The following PPP1R12B variants were observed in gnomAD, a reference collection of about 807,000 sequenced individuals.
PPP1R12B encodes the protein protein phosphatase 1 regulatory subunit 12B.
A neutral mutation model predicts 126.1 loss-of-function variants in PPP1R12B; 76 were observed. The observed-to-expected ratio is 0.60, with a 90% CI of 0.50 to 0.73. The LOEUF (loss-of-function observed/expected upper bound fraction) is 0.73. Ranked by LOEUF, PPP1R12B falls within the 30% of genes least tolerant of loss-of-function variation. The pLI is 0.00. For missense variants in PPP1R12B, 1,052 were observed against 1,205.1 expected (o/e 0.87, Z 1.88); for synonymous variants, 356 against 434.7 (o/e 0.82, Z 2.25).
At chr1:202,401,581 C>A (rs548941869) in intron 1 of PPP1R12B, among the ~76,000 whole-genome samples, 1 of 151,942 alleles carries the variant, frequency 6.6e-6, no homozygotes, top group South Asian at 2.1e-4. Flanking sequence ...GAATAGCATA[C>A]GTTAATAGCA....
intron 18 of PPP1R12B, among the ~76,000 whole-genome samples, chr1:202,523,798 T>C (rs988637555): frequency 3.3e-5 from 5 of 152,164 alleles, no homozygotes; most frequent in African/African-American, 1.2e-4. Context: ...CACTGCAAGC[T>C]CCATCTCCCA....
At chr1:202,480,026 A>G (rs1558280917) in intron 13 of PPP1R12B, among the ~76,000 whole-genome samples, 1 of 152,230 alleles carries the variant, frequency 6.6e-6, no homozygotes, top group Non-Finnish European at 1.5e-5. Context: ...CATACATACC[A>G]AGAAATAAGA....
At chr1:202,501,856 C>T (rs1680258007) in intron 18 of PPP1R12B, 1 of 984,972 alleles carries the variant, frequency 1.0e-6, no homozygotes, top group South Asian at 4.7e-5. Context: ...TTTTTTTACT[C>T]AGCAGGTTAC....
At chr1:202,555,936 C>T (rs112821276) in intron 18 of PPP1R12B, among the ~76,000 whole-genome samples, 14 of 149,980 alleles carry the variant, frequency 9.3e-5, no homozygotes, top group African/African-American at 2.2e-4. Flanking sequence ...AGTGCAGTGA[C>T]GCTATCTCAG....
chr1:202,353,661 G>C (rs1462646848), intron 1 of PPP1R12B, among the ~76,000 whole-genome samples: 1 of 148,618 alleles, frequency 6.7e-6, no homozygotes, highest in East Asian at 2.0e-4. Flanking sequence ...CCAGACTGGA[G>C]TGTGGTGGTG....
At position 202,445,190 on chromosome 1, in the gene PPP1R12B, A is replaced by G. The variant is rs1444194598; in HGVS notation, c.1667+2618A>G. 4.0e-6 allele frequency: 5 copies of G among 1,246,690 alleles called. No individual in the cohort carries two copies. In the East Asian group the frequency reaches 1.3e-4, roughly 31 times the overall value. The allele number at this position is 1,246,690 out of a possible 1,614,324, so 77.2% of individuals were successfully genotyped here. ...AACCTGCCTCTTCTTGCCCTGCACCAATCAGTGCAAACACTACTGCATCTG... is the reference window on the plus strand; with the variant it reads ...AACCTGCCTCTTCTTGCCCTGCACCGATCAGTGCAAACACTACTGCATCTG... On this transcript the variant is annotated intron_variant, in intron 12 of 23. Coordinates refer to ENST00000608999, the MANE Select transcript of PPP1R12B (RefSeq NM_002481.4).
chr1:202,410,599 A>C (rs531189786), intron 1 of PPP1R12B, among the ~76,000 whole-genome samples: 2 of 152,328 alleles, frequency 1.3e-5, no homozygotes, highest in East Asian at 3.9e-4. Context: ...GCACTGATTG[A>C]TATCAGCCAC....
At position 202,412,662 on chromosome 1, in the gene PPP1R12B, C is replaced by T. The variant is rs186402745; in HGVS notation, c.292-4125C>T. ...CTGTCCTGGCCTACACAGGTTTAGA[C>T]GGCACATTTGACCTTCTTGATATAG... On this transcript the variant is annotated intron_variant, in intron 1 of 23. Transcript: ENST00000608999. Among the ~76,000 whole-genome samples, 29 of 152,268 alleles carry T rather than the reference C, an allele frequency of 1.9e-4. No homozygotes were observed. In the East Asian group the frequency reaches 4.2e-3, roughly 22 times the overall value.
chr1:202,430,112 T>C (rs1182417916), intron 6 of PPP1R12B, among the ~76,000 whole-genome samples: 1 of 152,210 alleles, frequency 6.6e-6, no homozygotes, highest in Non-Finnish European at 1.5e-5. Flanking sequence ...TAAAAACTTT[T>C]ACTGAAATAA....
At chr1:202,421,167 C>T (rs1430276559) in intron 2 of PPP1R12B, among the ~76,000 whole-genome samples, 4 of 151,376 alleles carry the variant, frequency 2.6e-5, no homozygotes, top group Non-Finnish European at 4.4e-5. Flanking sequence ...GTTGGTCAGG[C>T]TTGTCTCAAA....
intron 1 of PPP1R12B, among the ~76,000 whole-genome samples, chr1:202,350,625 CTTTTTTTT>C (rs777909235): frequency 7.0e-6 from 1 of 143,770 alleles, no homozygotes; most frequent in African/African-American, 2.5e-5. Context: ...TTTTCTTTTT[CTTTTTTTT>C]TTTTTGATTC....
chr1:202,382,824 C>G, intron 1 of PPP1R12B, among the ~76,000 whole-genome samples: 1 of 149,694 alleles, frequency 6.7e-6, no homozygotes, highest in Middle Eastern at 3.2e-3. Context: ...TACAGTGAGC[C>G]AAGACTGTGG....
intron 22 of PPP1R12B, 102 bp from the exon 23 acceptor site, chr1:202,569,045 A>C: frequency 7.6e-7 from 1 of 1,324,434 alleles, no homozygotes; most frequent in Non-Finnish European, 1.1e-6. Flanking sequence ...CAGCAGACAA[A>C]CCTTTGACCG....
intron 1 of PPP1R12B, among the ~76,000 whole-genome samples, chr1:202,382,629 C>T (rs1450880379): frequency 1.3e-5 from 2 of 151,862 alleles, no homozygotes; most frequent in East Asian, 3.9e-4. Flanking sequence ...GTAATCCCAG[C>T]ACTTTGGGAG....
intron 18 of PPP1R12B, among the ~76,000 whole-genome samples, chr1:202,525,969 A>G (rs758722431): frequency 1.6e-4 from 25 of 152,260 alleles, no homozygotes; most frequent in Non-Finnish European, 2.9e-4. Context: ...TGCTGGGATC[A>G]CAGGCGTGAG....
At chr1:202,544,508 AGTGCTTATCT>A (rs1685454717) in intron 18 of PPP1R12B, among the ~76,000 whole-genome samples, 3 of 152,224 alleles carry the variant, frequency 2.0e-5, no homozygotes, top group Non-Finnish European at 4.4e-5. Flanking sequence ...TCCAAATTGT[AGTGCTTATCT>A]GATATTTATT....
chr1:202,377,190 A>G (rs529742176), intron 1 of PPP1R12B, among the ~76,000 whole-genome samples: 2 of 152,172 alleles, frequency 1.3e-5, no homozygotes, highest in African/African-American at 2.4e-5. Context: ...ATTAGTGTAG[A>G]TGTTCTGAGA....
intron 15 of PPP1R12B, among the ~76,000 whole-genome samples, chr1:202,495,032 G>A (rs114632177): frequency 0.023 from 3,439 of 150,442 alleles, 132 homozygotes; most frequent in African/African-American, 0.078. Context: ...TTGGTTAATT[G>A]ATGAATAATT....
Position 202,567,784 on chromosome 1 carries a change from C to A in PPP1R12B, c.2764C>A (p.Gln922Lys). Residue 922 changes from glutamine to lysine, a missense_variant, in exon 22 of 24, where the codon CAA (glutamine) becomes AAA (lysine). Transcript: ENST00000608999. ...SKLEKVAQQKQEKTSDRSSVL... is the reference protein window; with the variant it reads ...SKLEKVAQQKKEKTSDRSSVL... ...TTCCTTCCATTTGCACCAGCAGAAACAAGAAAAGACCTCTGACCGATCATC... is the reference window on the plus strand; with the variant it reads ...TTCCTTCCATTTGCACCAGCAGAAAAAAGAAAAGACCTCTGACCGATCATC... 1.2e-6 allele frequency: 2 copies of A among 1,613,984 alleles called. No individual in the cohort carries two copies. The highest frequency in any genetic ancestry group is 1.7e-6 in the Non-Finnish European group (2 of 1,179,892).
Sources: gnomAD v4.1 joint callset for allele counts (sites outside exome capture counted in the v4.1 genomes callset) on GRCh38, gnomAD v4.1.1 for gene constraint, MANE v1.5 for transcripts, NCBI Gene and HGNC (gene_info 2026-07-23, HGNC 2026-07-21) for gene names.